The following MAGI2 variants were observed in gnomAD, a reference collection of about 807,000 sequenced individuals.
MAGI2 encodes the protein membrane associated guanylate kinase, WW and PDZ domain containing 2.
In MAGI2, 35 loss-of-function variants were observed where a neutral mutation model predicts 133.3. That is an observed-to-expected ratio of 0.26 (90% CI 0.20 to 0.35). The LOEUF (loss-of-function observed/expected upper bound fraction) is 0.35, where lower values mean the gene tolerates loss of function less well. Ranked by LOEUF, MAGI2 falls within the 10% of genes least tolerant of loss-of-function variation. MAGI2 has a pLI of 1.00. For missense variants in MAGI2, 1,636 were observed against 1,863.4 expected, an observed-to-expected ratio of 0.88 and a Z score of 2.25; for synonymous variants, 729 against 710.6, an observed-to-expected ratio of 1.03 and a Z score of -0.41.
At chr7:79,168,891 T>TATATAG (rs1825222266) in intron 1 of MAGI2, among the ~76,000 whole-genome samples, 8 of 5,420 alleles carry the variant, frequency 1.5e-3, no homozygotes, top group Non-Finnish European at 8.1e-3. Flanking sequence ...TAAAGATAGA[T>TATATAG]ATATATATAT....
intron 3 of MAGI2, chr7:78,614,904 C>T (rs1806907235): frequency 6.6e-6 from 1 of 152,114 alleles, no homozygotes; most frequent in African/African-American, 2.4e-5. Context: ...TATTACCTTT[C>T]TGCACATAAC....
chr7:79,004,777 T>A (rs6466471), intron 2 of MAGI2, among the ~76,000 whole-genome samples: 101,488 of 152,032 alleles, frequency 0.67, 34,087 homozygotes, highest in Non-Finnish European at 0.7. Flanking sequence ...AAGAAAAAAA[T>A]TTTTTTAAAG....
At chr7:78,148,935 G>A (rs549176476) in intron 16 of MAGI2, among the ~76,000 whole-genome samples, 5 of 152,180 alleles carry the variant, frequency 3.3e-5, no homozygotes, top group East Asian at 1.9e-4. Flanking sequence ...CATCAGACTC[G>A]TCTTAGAATG....
At chr7:78,346,476 A>G (rs981650515) in intron 7 of MAGI2, among the ~76,000 whole-genome samples, 2 of 152,178 alleles carry the variant, frequency 1.3e-5, no homozygotes, top group Non-Finnish European at 2.9e-5. Context: ...TCATTGATAG[A>G]GTATAGCAAC....
At chr7:78,029,281 A>G (rs1809308513) in intron 21 of MAGI2, among the ~76,000 whole-genome samples, 1 of 152,152 alleles carries the variant, frequency 6.6e-6, no homozygotes, top group Non-Finnish European at 1.5e-5. Flanking sequence ...CTGGTTTGGG[A>G]ATGTGGGGAT....
intron 1 of MAGI2, among the ~76,000 whole-genome samples, chr7:79,246,571 CT>C (rs1458409447): frequency 6.6e-6 from 1 of 151,798 alleles, no homozygotes; most frequent in East Asian, 1.9e-4. Context: ...AATTAGTGAG[CT>C]TGAAGACAGG....
At chr7:78,228,759 T>C (rs1457166549) in intron 10 of MAGI2, among the ~76,000 whole-genome samples, 1 of 152,198 alleles carries the variant, frequency 6.6e-6, no homozygotes, top group African/African-American at 2.4e-5. Flanking sequence ...TTAAATATAA[T>C]GTATATGAGA....
intron 3 of MAGI2, among the ~76,000 whole-genome samples, chr7:78,533,607 T>C (rs1415793480): frequency 6.6e-6 from 1 of 152,206 alleles, no homozygotes; most frequent in African/African-American, 2.4e-5. Flanking sequence ...CATCTGGCTG[T>C]TGAGGACTTG....
At chr7:79,419,479 G>A (rs1009531870) in intron 1 of MAGI2, among the ~76,000 whole-genome samples, 2 of 152,024 alleles carry the variant, frequency 1.3e-5, no homozygotes, top group Non-Finnish European at 2.9e-5. Flanking sequence ...TTCCCTAGAA[G>A]TACTTAAGTA....
chr7:79,009,673 TTCAA>T (rs754938553), intron 1 of MAGI2, among the ~76,000 whole-genome samples: 3 of 152,172 alleles, frequency 2.0e-5, no homozygotes, highest in Non-Finnish European at 2.9e-5. Context: ...TGGAAAGTCA[TTCAA>T]TCATTCTCCA....
chr7:79,393,645 C>T (rs1383513375), intron 1 of MAGI2, among the ~76,000 whole-genome samples: 1 of 152,100 alleles, frequency 6.6e-6, no homozygotes, highest in African/African-American at 2.4e-5. Context: ...ACATGTGAAA[C>T]TTTGTTTCCT....
At chr7:79,402,791 A>G (rs1166602963) in intron 1 of MAGI2, among the ~76,000 whole-genome samples, 4 of 152,140 alleles carry the variant, frequency 2.6e-5, no homozygotes, top group Admixed American at 2.0e-4. Flanking sequence ...GCAAGACCCC[A>G]TCTCTAAGAA....
At chr7:78,338,270 T>A (rs571247849) in intron 9 of MAGI2, among the ~76,000 whole-genome samples, 2 of 152,172 alleles carry the variant, frequency 1.3e-5, no homozygotes, top group Non-Finnish European at 2.9e-5. Flanking sequence ...CCGCTTTTTC[T>A]AGGCATTTCT....
chr7:78,611,475 C>G (rs985956820), intron 3 of MAGI2, among the ~76,000 whole-genome samples: 1 of 152,180 alleles, frequency 6.6e-6, no homozygotes, highest in African/African-American at 2.4e-5. Context: ...ATTACATACT[C>G]AAATAATTCT....
intron 2 of MAGI2, among the ~76,000 whole-genome samples, chr7:78,909,938 T>C (rs1255955092): frequency 6.6e-6 from 1 of 152,132 alleles, no homozygotes; most frequent in African/African-American, 2.4e-5. Context: ...ATAGAGACCA[T>C]GGACTACTAT....
intron 16 of MAGI2, among the ~76,000 whole-genome samples, chr7:78,148,461 TTACTA>T (rs1484528468): frequency 6.6e-6 from 1 of 152,080 alleles, no homozygotes; most frequent in Non-Finnish European, 1.5e-5. Context: ...AGGGTAAACT[TTACTA>T]TATAGAAATT....
At chr7:78,906,549 A>G (rs1179440791) in intron 2 of MAGI2, among the ~76,000 whole-genome samples, 1 of 152,218 alleles carries the variant, frequency 6.6e-6, no homozygotes, top group Admixed American at 6.5e-5. Flanking sequence ...AACATGGTTT[A>G]TAATATTTTA....
rs192514546 is a variant in MAGI2 at position 78,604,675 on chromosome 7, T to G, written c.538+22445A>C. 1.1e-3 allele frequency among the ~76,000 whole-genome samples: 174 copies of G among 152,312 alleles called. 1 individual carries two copies. Among genetic ancestry groups the G allele is most frequent in the African/African-American group, 3.9e-3 (162 of 41,576 alleles). ...AAGTAGAACATAAGTTGGTTAGATGTTAAGTGCTAAGGAGAAAAATGAAGC... is the reference window on the plus strand; with the variant it reads ...AAGTAGAACATAAGTTGGTTAGATGGTAAGTGCTAAGGAGAAAAATGAAGC... On this transcript the variant is annotated intron_variant, in intron 3 of 21. Coordinates refer to ENST00000354212, the MANE Select transcript of MAGI2 (RefSeq NM_012301.4).
intron 1 of MAGI2, among the ~76,000 whole-genome samples, chr7:79,045,532 G>T (rs1562827537): frequency 6.6e-6 from 1 of 152,164 alleles, no homozygotes; most frequent in Non-Finnish European, 1.5e-5. Flanking sequence ...ACAGGTTAGT[G>T]GTTGCCAGGT....
Sources: gnomAD v4.1 joint callset for allele counts (sites outside exome capture counted in the v4.1 genomes callset) on GRCh38, gnomAD v4.1.1 for gene constraint, MANE v1.5 for transcripts, NCBI Gene and HGNC (gene_info 2026-07-23, HGNC 2026-07-21) for gene names.